Variants in LNX1 observed in about 807,000 individuals in gnomAD.
The protein encoded by LNX1 is ligand of numb-protein X 1.
In LNX1, 54 loss-of-function variants were observed where a neutral mutation model predicts 68.4. The ratio of observed to expected loss-of-function variants is 0.79; its 90% CI spans 0.63 to 0.99. LNX1 has a LOEUF of 0.99. LNX1 is among the 50% of genes least tolerant of loss of function. The pLI is 0.00. For synonymous variants in LNX1, 336 were observed against 350.0 expected (o/e 0.96, Z 0.45); for missense variants, 906 against 926.4 (o/e 0.98, Z 0.29).
At chr4:53,623,861 A>G (rs1733975601) in intron 1 of LNX1, among the ~76,000 whole-genome samples, 1 of 152,216 alleles carries the variant, frequency 6.6e-6, no homozygotes, top group South Asian at 2.1e-4. Context: ...AATGAGTAGC[A>G]AAGCTGGAAG....
Position 53,463,754 on chromosome 4 carries a change from A to G in LNX1, c.1893-2161T>C, listed in dbSNP as rs538417962. 1.2e-4 allele frequency among the ~76,000 whole-genome samples: 18 copies of G among 152,228 alleles called. No individual in the cohort carries two copies. In the East Asian group the frequency reaches 2.9e-3, roughly 24 times the overall value. ...AATGAGTTAATGAGTATGGTGGCTC[A>G]TTTGATTTCCACTGAAATGAGTTAA... On this transcript the variant is annotated intron_variant, in intron 9 of 10. Transcript: ENST00000263925.
chr4:53,548,233 T>C (rs1729245612), intron 2 of LNX1, among the ~76,000 whole-genome samples: 1 of 152,142 alleles, frequency 6.6e-6, no homozygotes, highest in African/African-American at 2.4e-5. Flanking sequence ...CCCCATTCCT[T>C]CCAAGACCAA....
intron 2 of LNX1, among the ~76,000 whole-genome samples, chr4:53,513,583 C>T (rs554913262): frequency 6.6e-6 from 1 of 152,330 alleles, no homozygotes; most frequent in Non-Finnish European, 1.5e-5. Context: ...TAAATAGCTC[C>T]TTATCTGTCA....
intron 4 of LNX1, among the ~76,000 whole-genome samples, chr4:53,499,403 C>T (rs933346934): frequency 6.6e-6 from 1 of 152,152 alleles, no homozygotes; most frequent in African/African-American, 2.4e-5. Flanking sequence ...AGGTGATCCA[C>T]CCACCTCGGC....
At chr4:53,471,204 G>C (rs1024032785) in intron 9 of LNX1, among the ~76,000 whole-genome samples, 1 of 151,770 alleles carries the variant, frequency 6.6e-6, no homozygotes, top group African/African-American at 2.4e-5. Context: ...ACAACCATCT[G>C]ATCTTTGACA....
chr4:53,570,568 G>A (rs1731076843), intron 2 of LNX1, among the ~76,000 whole-genome samples: 1 of 151,014 alleles, frequency 6.6e-6, no homozygotes, highest in African/African-American at 2.4e-5. Flanking sequence ...AATGCTAAAT[G>A]ACGAGTTAGT....
At chr4:53,575,921 G>A in intron 1 of LNX1, 1 of 1,570,926 alleles carries the variant, frequency 6.4e-7, no homozygotes, top group Non-Finnish European at 8.6e-7. Context: ...GCTGTGCAGT[G>A]TCTTGGGGTC....
chr4:53,571,127 C>T (rs2109772866), intron 2 of LNX1, among the ~76,000 whole-genome samples: 1 of 151,464 alleles, frequency 6.6e-6, no homozygotes, highest in East Asian at 2.0e-4. Context: ...TCAAGTGATT[C>T]TCATGCCTCA....
chr4:53,506,393 G>C (rs1257722719), intron 4 of LNX1, among the ~76,000 whole-genome samples: 4 of 151,984 alleles, frequency 2.6e-5, no homozygotes, highest in Non-Finnish European at 4.4e-5. Flanking sequence ...CAGTAGGACA[G>C]TATTTCCTCA....
intron 2 of LNX1, among the ~76,000 whole-genome samples, chr4:53,598,846 C>G (rs1302575148): frequency 6.6e-6 from 1 of 152,174 alleles, no homozygotes; most frequent in Non-Finnish European, 1.5e-5. Context: ...GACATTAATT[C>G]ATTCACTTAT....
intron 1 of LNX1, among the ~76,000 whole-genome samples, chr4:53,650,848 C>T (rs1735072431): frequency 6.6e-6 from 1 of 152,110 alleles, no homozygotes; most frequent in Non-Finnish European, 1.5e-5. Context: ...GAGGGTAGGC[C>T]TCCTCTTATC....
intron 1 of LNX1, among the ~76,000 whole-genome samples, chr4:53,637,715 A>G (rs150529654): frequency 1.3e-3 from 197 of 152,310 alleles, no homozygotes; most frequent in African/African-American, 4.5e-3. Context: ...CATCAATTAC[A>G]TAAACCAAAA....
chr4:53,509,066 G>A (rs991071653), intron 2 of LNX1, among the ~76,000 whole-genome samples: 3 of 152,234 alleles, frequency 2.0e-5, no homozygotes, highest in Non-Finnish European at 4.4e-5. Context: ...AGCTGATCTA[G>A]GTCCATATTT....
At chr4:53,593,016 A>AAAC (rs755144388), upstream of LNX1, 2 of 152,230 alleles carry the variant, frequency 1.3e-5, no homozygotes, top group African/African-American at 4.8e-5. Flanking sequence ...TGAAGGCTTA[A>AAAC]AACAACAACA....
At chr4:53,604,942 C>T (rs1273841921) in intron 2 of LNX1, among the ~76,000 whole-genome samples, 2 of 152,182 alleles carry the variant, frequency 1.3e-5, no homozygotes, top group African/African-American at 2.4e-5. Flanking sequence ...CATCACTCCT[C>T]ACAACCCGGG....
chr4:53,480,245 C>T (rs184405532), intron 7 of LNX1, among the ~76,000 whole-genome samples: 6 of 152,114 alleles, frequency 3.9e-5, no homozygotes, highest in Non-Finnish European at 7.4e-5. Context: ...TAAGTTAAAA[C>T]GGAAATAATT....
At chr4:53,488,148 G>A (rs1724443537) in intron 6 of LNX1, among the ~76,000 whole-genome samples, 1 of 152,148 alleles carries the variant, frequency 6.6e-6, no homozygotes, top group Non-Finnish European at 1.5e-5. Flanking sequence ...TTGCCATGTT[G>A]TCACCCAGTT....
intron 3 of LNX1, 23 bp downstream of exon 3, chr4:53,507,963 G>A (rs750711228): frequency 1.8e-5 from 29 of 1,601,612 alleles, no homozygotes; most frequent in Non-Finnish European, 2.3e-5. Context: ...GCCCATTCCC[G>A]GACAACCACC....
intron 1 of LNX1, chr4:53,575,383 C>A: frequency 2.3e-6 from 1 of 439,234 alleles, no homozygotes; most frequent in Non-Finnish European, 3.0e-6. Flanking sequence ...GCTTGCTTTG[C>A]ATCTAGGAAG....
Sources: gnomAD v4.1 joint callset for allele counts (sites outside exome capture counted in the v4.1 genomes callset) on GRCh38, gnomAD v4.1.1 for gene constraint, MANE v1.5 for transcripts, NCBI Gene and HGNC (gene_info 2026-07-23, HGNC 2026-07-21) for gene names.